The following GRIP1 variants were observed in gnomAD, a reference collection of about 807,000 sequenced individuals.
The protein encoded by GRIP1 is glutamate receptor interacting protein 1, also known as glutamate receptor-interacting protein 1.
GRIP1 carries 45 observed loss-of-function variants against 129.9 expected under a neutral mutation model. That is an observed-to-expected ratio of 0.35 (90% CI 0.27 to 0.44). The LOEUF is 0.44. Among genes scored for constraint, GRIP1 ranks in the 20% least tolerant of loss-of-function variants. The pLI is 1.00. For missense variants in GRIP1, 1,196 were observed against 1,396.8 expected, an observed-to-expected ratio of 0.86 and a Z score of 2.29; for synonymous variants, 530 against 520.8, an observed-to-expected ratio of 1.02 and a Z score of -0.24.
At chr12:66,560,162 A>C (rs1715988354) in intron 2 of GRIP1, among the ~76,000 whole-genome samples, 1 of 152,196 alleles carries the variant, frequency 6.6e-6, no homozygotes, top group Non-Finnish European at 1.5e-5. Flanking sequence ...ATATACAAAA[A>C]TCAAATCAAA....
intron 11 of GRIP1, among the ~76,000 whole-genome samples, chr12:66,448,139 T>C (rs1242816294): frequency 6.6e-6 from 1 of 152,100 alleles, no homozygotes; most frequent in African/African-American, 2.4e-5. Context: ...TCTCCCTCCT[T>C]GATGGGTATG....
At chr12:67,052,172 A>AT (rs1282836601) in intron 1 of GRIP1, among the ~76,000 whole-genome samples, 1 of 152,166 alleles carries the variant, frequency 6.6e-6, no homozygotes, top group Admixed American at 6.5e-5. Context: ...TTTTTCAAAT[A>AT]TTTTTAACAA....
At chr12:66,922,998 C>T (rs955655922) in intron 1 of GRIP1, among the ~76,000 whole-genome samples, 9 of 152,296 alleles carry the variant, frequency 5.9e-5, no homozygotes, top group African/African-American at 2.2e-4. Flanking sequence ...GCCCATGCTG[C>T]AGGTAAAGCT....
intron 14 of GRIP1, among the ~76,000 whole-genome samples, chr12:66,429,533 C>T (rs1257763439): frequency 2.0e-5 from 3 of 151,656 alleles, no homozygotes; most frequent in African/African-American, 7.3e-5. Context: ...TTTATCTCTA[C>T]AAAAATTTAA....
intron 7 of GRIP1, among the ~76,000 whole-genome samples, chr12:66,486,897 C>T (rs2059970468): frequency 6.6e-6 from 1 of 151,914 alleles, no homozygotes; most frequent in Non-Finnish European, 1.5e-5. Context: ...CTCAAGTGAT[C>T]TTCCCACCTC....
In GRIP1 at chr12:66,967,143, A is replaced by T. The variant is rs1386051163; in HGVS notation, c.58+101907T>A. ...GTTCTCTAAGCATTGCTTTCCTTGCATCCCACAATTTTTTGTGTTTGTTTT... is the reference window on the plus strand; with the variant it reads ...GTTCTCTAAGCATTGCTTTCCTTGCTTCCCACAATTTTTTGTGTTTGTTTT... On this transcript the variant is annotated intron_variant, in intron 1 of 1. Transcript: ENST00000643019. 2.0e-5 allele frequency among the ~76,000 whole-genome samples: 3 copies of T among 152,292 alleles called. No homozygotes were observed. In the East Asian group the frequency reaches 5.8e-4, roughly 29 times the overall value.
intron 1 of GRIP1, among the ~76,000 whole-genome samples, chr12:66,709,673 G>A (rs1363076235): frequency 6.6e-6 from 1 of 151,852 alleles, no homozygotes; most frequent in Non-Finnish European, 1.5e-5. Flanking sequence ...CAACACATGT[G>A]CCTTAAGGAT....
chr12:66,775,962 G>C (rs1168004995), intron 1 of GRIP1, among the ~76,000 whole-genome samples: 2 of 152,294 alleles, frequency 1.3e-5, no homozygotes, highest in East Asian at 3.9e-4. Flanking sequence ...TGCCAAAATG[G>C]AACATTTGTT....
intron 1 of GRIP1, among the ~76,000 whole-genome samples, chr12:67,022,384 G>A (rs987387763): frequency 2.6e-5 from 4 of 152,122 alleles, no homozygotes; most frequent in Non-Finnish European, 5.9e-5. Context: ...TTACAAATAA[G>A]GTTGACATTA....
intron 1 of GRIP1, among the ~76,000 whole-genome samples, chr12:66,918,542 C>T (rs1009811820): frequency 6.6e-6 from 1 of 152,154 alleles, no homozygotes; most frequent in Admixed American, 6.6e-5. Context: ...CCCAAATGTA[C>T]TCCCTTTTGT....
Position 66,617,226 on chromosome 12 carries a change from C to G in GRIP1, c.56-20299G>C, listed in dbSNP as rs931544384. The stretch of plus-strand genomic sequence containing the variant: ...GTGTTGGGACCAAGAGACAACTTTG[C>G]TTTAATTATTCAAAAAGAATCCATC... On this transcript the variant is annotated intron_variant, in intron 1 of 24. Coordinates refer to ENST00000359742, the MANE Select transcript of GRIP1 (RefSeq NM_001366722.1). Among the ~76,000 whole-genome samples the G allele has an allele frequency of 3.5e-5, 5 of 141,614 alleles. 1 individual carries two copies. The highest frequency in any genetic ancestry group is 7.5e-5 in the Non-Finnish European group (5 of 66,332). 92.9% of individuals were successfully genotyped at this position (141,614 alleles called of 152,430 possible). A position where few individuals can be genotyped will look rare whatever the true frequency, so the allele number is the denominator to read the frequency against.
At position 66,349,770 on chromosome 12, in the gene GRIP1, C is replaced by T. The variant is rs966822115; in HGVS notation, c.3160-524G>A. Among the ~76,000 whole-genome samples the T allele has an allele frequency of 2.6e-5, 4 of 151,868 alleles. No individual in the cohort carries two copies. In the East Asian group the frequency reaches 7.8e-4, roughly 30 times the overall value. ...AACAAGATGGGAGGATCGCTTGATGCCAGGAGTTTGAGACCAGCCTGGGCA... is the reference window on the plus strand; with the variant it reads ...AACAAGATGGGAGGATCGCTTGATGTCAGGAGTTTGAGACCAGCCTGGGCA... On this transcript the variant is annotated intron_variant, in intron 24 of 24. Transcript: ENST00000359742.
At chr12:66,718,688 T>TA (rs1233784920) in intron 1 of GRIP1, among the ~76,000 whole-genome samples, 1 of 151,966 alleles carries the variant, frequency 6.6e-6, no homozygotes, top group African/African-American at 2.4e-5. Context: ...CCATCTCTAC[T>TA]AAAAATACAA....
At chr12:66,608,587 C>CA (rs1308929203) in intron 1 of GRIP1, among the ~76,000 whole-genome samples, 1 of 152,166 alleles carries the variant, frequency 6.6e-6, no homozygotes, top group East Asian at 1.9e-4. Context: ...CAGCCTCAAC[C>CA]TCCCAAAGTG....
upstream of GRIP1, chr12:66,679,166 C>T (rs1454330818): frequency 2.2e-6 from 3 of 1,379,282 alleles, no homozygotes; most frequent in Non-Finnish European, 2.8e-6. Context: ...AAAGTAATGC[C>T]GTTTCGATAG....
At chr12:66,611,854 A>T (rs1412219710) in intron 1 of GRIP1, among the ~76,000 whole-genome samples, 1 of 152,178 alleles carries the variant, frequency 6.6e-6, no homozygotes, top group Admixed American at 6.6e-5. Context: ...CACAATGCCT[A>T]ATGTTTCTAG....
At chr12:66,614,904 G>A (rs1048700742) in intron 1 of GRIP1, among the ~76,000 whole-genome samples, 2 of 152,118 alleles carry the variant, frequency 1.3e-5, no homozygotes, top group Non-Finnish European at 2.9e-5. Context: ...GCCTTGGCAT[G>A]ACCAGCCTCT....
intron 1 of GRIP1, among the ~76,000 whole-genome samples, chr12:66,894,470 C>T (rs2040713285): frequency 6.6e-6 from 1 of 152,172 alleles, no homozygotes; most frequent in South Asian, 2.1e-4. Context: ...TAGTTTGATA[C>T]ACTTTTTAAT....
intron 1 of GRIP1, among the ~76,000 whole-genome samples, chr12:66,653,475 C>T (rs1293873949): frequency 6.6e-6 from 1 of 152,172 alleles, no homozygotes; most frequent in Non-Finnish European, 1.5e-5. Context: ...CTGTATTAGC[C>T]ATTCCTCCAC....
Sources: gnomAD v4.1 joint callset for allele counts (sites outside exome capture counted in the v4.1 genomes callset) on GRCh38, gnomAD v4.1.1 for gene constraint, MANE v1.5 for transcripts, NCBI Gene and HGNC (gene_info 2026-07-23, HGNC 2026-07-21) for gene names.